Variants in ZNF131 observed in about 807,000 individuals in gnomAD.
ZNF131 encodes the protein zinc finger protein 131.
Under a neutral mutation model 60.0 loss-of-function variants are expected in ZNF131, and 7 were observed. That is an observed-to-expected ratio of 0.12 (90% CI 0.07 to 0.22). The LOEUF (loss-of-function observed/expected upper bound fraction) is 0.22. Among genes scored for constraint, ZNF131 ranks in the 10% least tolerant of loss-of-function variants. ZNF131 has a pLI of 1.00. For synonymous variants in ZNF131, 257 were observed against 253.2 expected, an observed-to-expected ratio of 1.01 and a Z score of -0.14; for missense variants, 493 against 740.9, an observed-to-expected ratio of 0.67 and a Z score of 3.88.
chr5:43,143,529 ATTG>A (rs1469244947), intron 4 of ZNF131: 17 of 652,806 alleles, frequency 2.6e-5, no homozygotes, highest in South Asian at 2.2e-4. Flanking sequence ...ATCGTTTCTT[ATTG>A]TTGTTACTGG....
At chr5:43,142,678 A>G (rs554252501) in intron 4 of ZNF131, among the ~76,000 whole-genome samples, 82 of 142,864 alleles carry the variant, frequency 5.7e-4, no homozygotes, top group South Asian at 2.5e-3. Context: ...TGTCTCTCAG[A>G]CATGATTTGT....
At chr5:43,162,540 C>A (rs1479329730) in intron 5 of ZNF131, among the ~76,000 whole-genome samples, 1 of 146,560 alleles carries the variant, frequency 6.8e-6, no homozygotes, top group Non-Finnish European at 1.5e-5. Flanking sequence ...TGCAGTGAGC[C>A]GAGATCATGC....
intron 1 of ZNF131, 158 bp from the exon 2 acceptor site, chr5:43,121,881 C>G: frequency 2.5e-6 from 2 of 796,682 alleles, no homozygotes; most frequent in Non-Finnish European, 3.7e-6. Context: ...TCCGGGGCCG[C>G]TCGGCTCGCC....
intron 4 of ZNF131, among the ~76,000 whole-genome samples, chr5:43,139,764 A>G (rs1031569890): frequency 9.9e-5 from 15 of 152,238 alleles, no homozygotes; most frequent in African/African-American, 3.4e-4. Flanking sequence ...AATGCATACC[A>G]TAAGTCTATA....
rs1745190093 is a variant in ZNF131, at chr5:43,130,413, A to C, written c.226+7103A>C. Among the ~76,000 whole-genome samples, 3 of 152,166 alleles carry C rather than the reference A, an allele frequency of 2.0e-5. No homozygotes were observed. The South Asian group carries it at 6.2e-4, about 31-fold the overall frequency. ...TTTGTGAAATGAGTAATATAAAAGTAAGAGCAGATTCAAAATGATATTTTT... is the reference window on the plus strand; with the variant it reads ...TTTGTGAAATGAGTAATATAAAAGTCAGAGCAGATTCAAAATGATATTTTT... On this transcript the variant is annotated intron_variant, in intron 3 of 6. Coordinates refer to ENST00000682664, the MANE Select transcript of ZNF131 (RefSeq NM_001330707.2).
chr5:43,130,032 G>A (rs546272577), intron 3 of ZNF131, among the ~76,000 whole-genome samples: 6 of 151,314 alleles, frequency 4.0e-5, no homozygotes, highest in South Asian at 2.1e-4. Context: ...TTGGGAGGCC[G>A]AGGTGGGCAG....
At chr5:43,165,230 C>G (rs1461361188) in intron 5 of ZNF131, among the ~76,000 whole-genome samples, 2 of 147,174 alleles carry the variant, frequency 1.4e-5, no homozygotes, top group Non-Finnish European at 3.0e-5. Context: ...TTAGCTTTAA[C>G]AACAGGAATT....
chr5:43,161,573 A>G lies in ZNF131; in HGVS notation c.696A>G (p.Glu232=). The change falls in exon 5 of 7, where the codon GAA becomes GAG. Residue 232 remains glutamate, a synonymous_variant. Coordinates refer to ENST00000682664, the MANE Select transcript of ZNF131 (RefSeq NM_001330707.2). ...RQGDRKGQIK[E]DGCPSDPTSK... is the part of the protein sequence containing the mutation. ...GTGACAGAAAAGGGCAGATTAAAGA[A>G]GATGGCTGTCCATCTGACCCCACGA... 1.9e-6 allele frequency: 3 copies of G among 1,614,274 alleles called. No individual in the cohort carries two copies. In the South Asian group the frequency reaches 3.3e-5, roughly 18 times the overall value.
intron 3 of ZNF131, among the ~76,000 whole-genome samples, chr5:43,128,638 C>T (rs1431458187): frequency 8.8e-6 from 1 of 113,348 alleles, no homozygotes; most frequent in Non-Finnish European, 1.7e-5. Flanking sequence ...GCCTGGGCGA[C>T]AGAGCGAGAC....
At chr5:43,130,552 A>AT (rs1425458119) in intron 3 of ZNF131, among the ~76,000 whole-genome samples, 1 of 151,986 alleles carries the variant, frequency 6.6e-6, no homozygotes, top group African/African-American at 2.4e-5. Context: ...CTTTTACCAC[A>AT]TTTTTTAATT....
intron 2 of ZNF131, among the ~76,000 whole-genome samples, chr5:43,122,922 C>T (rs949920136): frequency 6.6e-6 from 1 of 152,150 alleles, no homozygotes; most frequent in Non-Finnish European, 1.5e-5. Context: ...CTTCTCACTA[C>T]TTAATTGGAA....
At chr5:43,143,386 C>T (rs1270559740) in intron 4 of ZNF131, 29 of 1,368,694 alleles carry the variant, frequency 2.1e-5, no homozygotes, top group Non-Finnish European at 2.4e-5. Context: ...CAGCCACATC[C>T]ATGGACTGCA....
intron 4 of ZNF131, among the ~76,000 whole-genome samples, chr5:43,154,282 C>T (rs1012499036): frequency 1.3e-5 from 2 of 152,046 alleles, no homozygotes; most frequent in Admixed American, 1.3e-4. Flanking sequence ...GGCGTGGTGG[C>T]GTGCACCTGT....
At chr5:43,141,702 A>G (rs962009988) in intron 4 of ZNF131, among the ~76,000 whole-genome samples, 1 of 151,778 alleles carries the variant, frequency 6.6e-6, no homozygotes, top group African/African-American at 2.4e-5. Context: ...TGGGAGACTC[A>G]GAGGTTGCAG....
At chr5:43,155,414 G>A (rs187349122) in intron 4 of ZNF131, among the ~76,000 whole-genome samples, 4 of 152,316 alleles carry the variant, frequency 2.6e-5, no homozygotes, top group African/African-American at 9.6e-5. Flanking sequence ...AGCTGTGTCA[G>A]GGTTCAGCAA....
intron 4 of ZNF131, among the ~76,000 whole-genome samples, chr5:43,158,720 G>A (rs1371729057): frequency 6.6e-6 from 1 of 152,224 alleles, no homozygotes; most frequent in Non-Finnish European, 1.5e-5. Context: ...AGGCAGTAAA[G>A]TAGAGGGCCA....
intron 4 of ZNF131, among the ~76,000 whole-genome samples, chr5:43,157,537 A>G (rs1299592470): frequency 7.2e-5 from 11 of 152,182 alleles, no homozygotes; most frequent in Non-Finnish European, 7.3e-5. Flanking sequence ...AGTTTGCAAT[A>G]ACCAGGGCAC....
chr5:43,147,578 C>T (rs1329310491), intron 4 of ZNF131, among the ~76,000 whole-genome samples: 18 of 151,192 alleles, frequency 1.2e-4, no homozygotes, highest in African/African-American at 3.9e-4. Flanking sequence ...CCACCACACC[C>T]GGCTAATTTT....
intron 3 of ZNF131, among the ~76,000 whole-genome samples, chr5:43,130,987 C>G (rs1745272034): frequency 1.3e-5 from 2 of 151,890 alleles, no homozygotes; most frequent in South Asian, 4.2e-4. Context: ...CCTCAGCCTC[C>G]TGAGTAGCTG....
Sources: allele counts gnomAD v4.1 joint callset (sites outside exome capture counted in the v4.1 genomes callset), GRCh38; gene constraint gnomAD v4.1.1; transcripts MANE v1.5; gene names NCBI Gene and HGNC (gene_info 2026-07-23, HGNC 2026-07-21).